Variants in GEMIN8 observed in about 807,000 individuals in gnomAD.
The protein encoded by GEMIN8 is gem-associated protein 8.
For synonymous variants in GEMIN8, 80 were observed against 78.5 expected (o/e 1.02, Z -0.10); for missense variants, 185 against 205.9 (o/e 0.90, Z 0.62).
chrX:14,025,131 C>A (rs917113117), intron 2 of GEMIN8, among the ~76,000 whole-genome samples: 5 of 111,812 alleles, frequency 4.5e-5, no homozygotes, highest in African/African-American at 1.3e-4. Context: ...ATTACACATT[C>A]GTCTCTCAAA....
rs575651297 is a variant in GEMIN8, at chrX:14,011,516, CTTTTTTTTTT to C, written c.473-2357_473-2348del. Among the ~76,000 whole-genome samples, 10 of 60,386 alleles carry C rather than the reference CTTTTTTTTTT, an allele frequency of 1.7e-4. 1 individual carries two copies. Among genetic ancestry groups the C allele is most frequent in the East Asian group, 1.5e-3 (3 of 2,017 alleles). The allele number at this position is 60,386 out of a possible 115,157, so 52.4% of individuals were successfully genotyped here. The stretch of plus-strand genomic sequence containing the variant: ...TACCCATTACCAATCCTATGGCTCT[CTTTTTTTTTT>C]TTTTTTTTTTTTTTTTTGGTCTATC... On this transcript the variant is annotated intron_variant, in intron 4 of 4. Transcript: ENST00000680255.
At chrX:13,990,542 G>C in the GEMIN8 span, among the ~76,000 whole-genome samples, 1 of 112,393 alleles carries the variant, frequency 8.9e-6, no homozygotes, top group Non-Finnish European at 1.9e-5. Context: ...GGCAGGGCTT[G>C]AGTGCATGGG....
the GEMIN8 span, among the ~76,000 whole-genome samples, chrX:14,000,367 C>T: frequency 6.0e-4 from 66 of 110,784 alleles, no homozygotes; most frequent in African/African-American, 2.0e-3. Context: ...GAGGCTGAGG[C>T]GAGTGGATCA....
At position 14,016,860 on chromosome X, in the gene GEMIN8, A is replaced by T. The variant is rs866121230; in HGVS notation, c.472+3218T>A. 2.8e-3 allele frequency among the ~76,000 whole-genome samples: 221 copies of T among 78,961 alleles called. 6 individuals carry two copies. In the East Asian group the frequency reaches 0.045, roughly 16 times the overall value. 68.6% of individuals were successfully genotyped at this position (78,961 alleles called of 115,157 possible). The stretch of plus-strand genomic sequence containing the variant: ...AATCTGTCTCAAAAAAAAAAAAAAA[A>T]AAAAAAATATATATATATATATATA... On this transcript the variant is annotated intron_variant, in intron 4 of 4. Coordinates refer to ENST00000680255, the MANE Select transcript of GEMIN8 (RefSeq NM_001042479.2).
At chrX:13,996,933 C>CTTTTTTTTT in the GEMIN8 span, among the ~76,000 whole-genome samples, 2 of 66,919 alleles carry the variant, frequency 3.0e-5, no homozygotes, top group Non-Finnish European at 2.7e-5. Flanking sequence ...TGTGGCTTGT[C>CTTTTTTTTT]TTTTTTTTTT....
chrX:14,023,663 C>T (rs190258121), intron 2 of GEMIN8, among the ~76,000 whole-genome samples: 190 of 112,363 alleles, frequency 1.7e-3, no homozygotes, highest in African/African-American at 6.1e-3. Flanking sequence ...AGGCGTGAGC[C>T]ACCGTGCCCG....
In GEMIN8 at chrX:14,020,174, A is replaced by G; in HGVS notation, c.376T>C (p.Ser126Pro). ...LSKEEEMETE[S>P]DAEVECDLSN... ...AGGTCACATTCTACCTCTGCATCTG[A>G]CTCAGTCTCCATCTCTTCCTCTTTG... Residue 126 changes from serine to proline, a missense_variant, in exon 4 of 5, where the codon TCA becomes CCA. Ser to Pro is a moderately conservative substitution (Grantham distance 74, BLOSUM62 -1). Transcript: ENST00000680255. 1.7e-6 allele frequency: 2 copies of G among 1,204,717 alleles called. No homozygotes were observed.
chrX:14,025,008 C>A (rs1481508393), intron 2 of GEMIN8, among the ~76,000 whole-genome samples: 1 of 111,597 alleles, frequency 9.0e-6, no homozygotes, highest in Non-Finnish European at 1.9e-5. Context: ...TATTTTCTCT[C>A]CCTAAATCCC....
At chrX:14,000,307 G>T in the GEMIN8 span, among the ~76,000 whole-genome samples, 2 of 108,725 alleles carry the variant, frequency 1.8e-5, no homozygotes, top group African/African-American at 3.4e-5. Context: ...CTCTAAAAAA[G>T]AAATTTAGGC....
chrX:14,000,382 G>A, the GEMIN8 span, among the ~76,000 whole-genome samples: 3 of 110,991 alleles, frequency 2.7e-5, no homozygotes, highest in Non-Finnish European at 5.7e-5. Flanking sequence ...GGATCACAAG[G>A]TTAGGAGATC....
the GEMIN8 span, among the ~76,000 whole-genome samples, chrX:14,000,599 A>G: frequency 7.7e-5 from 5 of 65,123 alleles, no homozygotes; most frequent in South Asian, 2.6e-3. Context: ...TCCATCTTGA[A>G]AAAAAAAAAA....
At chrX:13,985,314 A>G in the GEMIN8 span, among the ~76,000 whole-genome samples, 1 of 111,718 alleles carries the variant, frequency 9.0e-6, no homozygotes, top group Non-Finnish European at 1.9e-5. Flanking sequence ...AGTCAATGGG[A>G]CTGCATTAGG....
the GEMIN8 span, among the ~76,000 whole-genome samples, chrX:13,995,585 T>G: frequency 2.7e-5 from 3 of 111,727 alleles, no homozygotes; most frequent in African/African-American, 9.8e-5. Flanking sequence ...ATCAAGGTGT[T>G]GGCAGGGCTG....
chrX:14,004,203 T>C (rs1923064492), downstream of GEMIN8, among the ~76,000 whole-genome samples: 1 of 112,265 alleles, frequency 8.9e-6, no homozygotes, highest in African/African-American at 3.2e-5. Flanking sequence ...ACAACTTCCT[T>C]TTTCACCTCG....
At chrX:14,019,754 T>G (rs1924171993) in intron 4 of GEMIN8, among the ~76,000 whole-genome samples, 1 of 111,445 alleles carries the variant, frequency 9.0e-6, no homozygotes. Flanking sequence ...TCTGAGGGAC[T>G]GCTGTGTAGA....
chrX:14,019,005 G>C (rs1231040013), intron 4 of GEMIN8, among the ~76,000 whole-genome samples: 1 of 111,349 alleles, frequency 9.0e-6, no homozygotes, highest in Non-Finnish European at 1.9e-5. Flanking sequence ...GTTTAGTGAA[G>C]AATCACGGAC....
the GEMIN8 span, among the ~76,000 whole-genome samples, chrX:13,988,236 C>T: frequency 3.6e-5 from 4 of 111,427 alleles, no homozygotes; most frequent in African/African-American, 1.3e-4. Flanking sequence ...AGCATACTTG[C>T]GCACGTACAA....
downstream of GEMIN8, among the ~76,000 whole-genome samples, chrX:14,006,090 G>A (rs1282920453): frequency 2.9e-4 from 31 of 106,416 alleles, no homozygotes; most frequent in Admixed American, 2.7e-3. Context: ...GTGCAATGGC[G>A]CAATCTCGGC....
the GEMIN8 span, among the ~76,000 whole-genome samples, chrX:13,985,420 T>C: frequency 8.9e-6 from 1 of 112,109 alleles, no homozygotes; most frequent in South Asian, 3.7e-4. Flanking sequence ...GACTTCTCAA[T>C]TGGTCCTGAA....
Sources: allele counts gnomAD v4.1 joint callset (sites outside exome capture counted in the v4.1 genomes callset), GRCh38; gene constraint gnomAD v4.1.1; transcripts MANE v1.5; gene names NCBI Gene and HGNC (gene_info 2026-07-23, HGNC 2026-07-21).